Variants in TFE3 observed in about 807,000 individuals in gnomAD.
TFE3 encodes the protein transcription factor binding to IGHM enhancer 3.
Under a neutral mutation model 35.0 loss-of-function variants are expected in TFE3, and 5 were observed. That is an observed-to-expected ratio of 0.14 (90% CI 0.07 to 0.30). The LOEUF (loss-of-function observed/expected upper bound fraction) is 0.30, where lower values mean the gene tolerates loss of function less well. TFE3 is among the 10% of genes least tolerant of loss of function. The pLI is 1.00. For missense variants in TFE3, 374 were observed against 496.6 expected (o/e 0.75, Z 2.35); for synonymous variants, 211 against 215.6 (o/e 0.98, Z 0.18).
rs782694827 is a variant in TFE3, at chrX:49,033,559, AGGAAGAAAGAGT to A, written c.1061-31_1061-20del. 6 of 1,205,376 alleles carry A rather than the reference AGGAAGAAAGAGT, an allele frequency of 5.0e-6. No homozygotes were observed. Among genetic ancestry groups the A allele is most frequent in the Non-Finnish European group, 6.7e-6 (6 of 891,520 alleles). Reference sequence around the variant, plus strand: ...CGCTCAACTTTGGAGAGGGGAGGAGAGGAAGAAAGAGTGGGAGAAAGAGTTGTCAATTAGCCA... The same window carrying A: ...CGCTCAACTTTGGAGAGGGGAGGAGAGGGAGAAAGAGTTGTCAATTAGCCA... On this transcript the variant is annotated intron_variant, in intron 7 of 9. Coordinates refer to ENST00000315869, the MANE Select transcript of TFE3 (RefSeq NM_006521.6).
intron 5 of TFE3, among the ~76,000 whole-genome samples, chrX:49,037,506 C>T (rs782670612): frequency 4.6e-5 from 5 of 109,591 alleles, no homozygotes; most frequent in Non-Finnish European, 7.6e-5. Flanking sequence ...CAAGACCCGC[C>T]TGACCAACGT....
chrX:49,032,723 G>GGAGT (rs1220367943), intron 8 of TFE3, among the ~76,000 whole-genome samples: 9 of 106,349 alleles, frequency 8.5e-5, no homozygotes. Context: ...CACCCAGGCT[G>GGAGT]GAGTGCAGTG....
chrX:49,040,550 C>T lies in TFE3; in HGVS notation c.135G>A (p.Pro45=), dbSNP rs781985132. Reference sequence around the variant, plus strand: ...CTATGTCAGCAACAATCCCGGATTCCGGAAGCAAAGAGTTCAGGCTGAGGG... The same window carrying T: ...CTATGTCAGCAACAATCCCGGATTCTGGAAGCAAAGAGTTCAGGCTGAGGG... The part of the protein sequence containing the change: ...AQLLSLNSLL[P]ESGIVADIEL... The change falls in exon 2 of 10, where the codon CCG becomes CCA. Residue 45 remains proline (P), a synonymous_variant. Coordinates refer to ENST00000315869, the MANE Select transcript of TFE3 (RefSeq NM_006521.6). The T allele has an allele frequency of 8.3e-7, 1 of 1,208,746 alleles. No individual in the cohort carries two copies. The highest frequency in any genetic ancestry group is 1.8e-5 in the South Asian group (1 of 56,844).
chrX:49,038,427 C>T lies in TFE3; in HGVS notation c.550G>A (p.Glu184Lys). The change falls in exon 4 of 10, where the codon GAG becomes AAG. Residue 184 changes from glutamate (E) to lysine (K), a missense_variant. Transcript: ENST00000315869. Reference protein sequence around the residue: ...REVLKVQTHLENPTRYHLQQA... With the variant: ...REVLKVQTHLKNPTRYHLQQA... Reference sequence around the variant, plus strand: ...TGCAGGTGGTAGCGCGTTGGGTTCTCCAGATGGGTCTGCACCTGTGAAATA... The same window carrying T: ...TGCAGGTGGTAGCGCGTTGGGTTCTTCAGATGGGTCTGCACCTGTGAAATA... The T allele has an allele frequency of 8.3e-7, 1 of 1,200,232 alleles. No individual in the cohort carries two copies. Among genetic ancestry groups the T allele is most frequent in the Non-Finnish European group, 1.1e-6 (1 of 893,542 alleles).
In TFE3 at chrX:49,030,149, G is replaced by A. The variant is rs782428510; in HGVS notation, c.*9C>T. The A allele has an allele frequency of 4.0e-5, 48 of 1,202,319 alleles. No homozygotes were observed. The highest frequency in any genetic ancestry group is 1.4e-4 in the Admixed American group (6 of 43,994). On this transcript the variant is annotated 3_prime_UTR_variant, in exon 10 of 10. Coordinates refer to ENST00000315869, the MANE Select transcript of TFE3 (RefSeq NM_006521.6). Reference sequence around the variant, plus strand: ...GGTGGGAAAGTCCCAGGGGAGGGGTGAGGCCTGATCAGGACTCCTCTTCCA... The same window carrying A: ...GGTGGGAAAGTCCCAGGGGAGGGGTAAGGCCTGATCAGGACTCCTCTTCCA...
intron 5 of TFE3, among the ~76,000 whole-genome samples, chrX:49,037,071 A>C (rs1557074908): frequency 2.7e-5 from 3 of 112,034 alleles, no homozygotes; most frequent in Non-Finnish European, 5.6e-5. Context: ...TGGGAGGCCA[A>C]GGCAGGTGGA....
Position 49,033,661 on chromosome X carries a change from G to A in TFE3, c.1060+65C>T, listed in dbSNP as rs1209576329. 9 of 1,188,670 alleles carry A rather than the reference G, an allele frequency of 7.6e-6. No homozygotes were observed. In the Admixed American group the frequency reaches 2.0e-4, roughly 26 times the overall value. On this transcript the variant is annotated intron_variant, in intron 7 of 9. Coordinates refer to ENST00000315869, the MANE Select transcript of TFE3 (RefSeq NM_006521.6). ...TGCAGGGAAGGAGTTCCCCATGGGG[G>A]GCCAGGACTCGGGGTGAGGCAGGCC...
chrX:49,034,711 G>A (rs1465922725), intron 5 of TFE3, among the ~76,000 whole-genome samples: 1 of 111,997 alleles, frequency 8.9e-6, no homozygotes, highest in Non-Finnish European at 1.9e-5. Flanking sequence ...TCCGACCTTG[G>A]TAAATTGTCA....
At chrX:49,034,011 C>G (rs1388195684) in intron 6 of TFE3, 123 bp downstream of exon 6, 5 of 659,526 alleles carry the variant, frequency 7.6e-6, no homozygotes, top group Non-Finnish European at 1.2e-5. Flanking sequence ...AGGGGACAAA[C>G]AGCCTCCATT....
Position 49,043,235 on chromosome X carries a change from G to A in TFE3, c.-9C>T. The A allele has an allele frequency of 1.8e-6, 2 of 1,142,832 alleles. No homozygotes were observed. The highest frequency in any genetic ancestry group is 2.4e-4 in the Middle Eastern group (1 of 4,174). 94.2% of individuals were successfully genotyped at this position (1,142,832 alleles called of 1,213,427 possible). ...TCGGCCGCATGAGACATGACGCCCG[G>A]CCCCGGGCGAGCCCTGCCAGGCCGG... On this transcript the variant is annotated 5_prime_UTR_variant, in exon 1 of 10. Coordinates refer to ENST00000315869, the MANE Select transcript of TFE3 (RefSeq NM_006521.6).
In TFE3 at chrX:49,043,215, C is replaced by T. The variant is rs782729118; in HGVS notation, c.12G>A (p.Ala4=). 4.3e-6 allele frequency: 5 copies of T among 1,168,207 alleles called. No individual in the cohort carries two copies. The African/African-American group carries it at 8.9e-5, about 21-fold the overall frequency. The change falls in exon 1 of 10, where the codon GCG becomes GCA. Residue 4 remains alanine (A), a synonymous_variant. Transcript: ENST00000315869. ...CTACGCCATCCCGAGCTGGTTCGGC[C>T]GCATGAGACATGACGCCCGGCCCCG... is the stretch of plus-strand genomic sequence containing the variant. MSH[A]AEPARDGVEA...
At chrX:49,035,532 G>A (rs1352293982) in intron 5 of TFE3, among the ~76,000 whole-genome samples, 4 of 96,045 alleles carry the variant, frequency 4.2e-5, no homozygotes, top group African/African-American at 1.5e-4. Context: ...TCAGCCTCCC[G>A]AGTAGCTGGG....
intron 8 of TFE3, among the ~76,000 whole-genome samples, chrX:49,032,653 G>A (rs1234172556): frequency 2.7e-5 from 3 of 109,677 alleles, no homozygotes; most frequent in Non-Finnish European, 5.7e-5. Context: ...TTACAGGCGT[G>A]AGCCACTGCA....
chrX:49,030,206 G>A lies in TFE3; in HGVS notation c.1680C>T (p.Ser560=), dbSNP rs782776048. 4.1e-6 allele frequency: 5 copies of A among 1,207,641 alleles called. No homozygotes were observed. The highest frequency in any genetic ancestry group is 5.6e-6 in the Non-Finnish European group (5 of 893,409). Reference sequence around the variant, plus strand: ...AGCTGCTGCGGCGGCTGCTGGCCTTGGAGACAGCAGGGGACACTGAAGAGA... The same window carrying A: ...AGCTGCTGCGGCGGCTGCTGGCCTTAGAGACAGCAGGGGACACTGAAGAGA... ...PLLSSVSPAV[S]KASSRRSSFS... The change falls in exon 10 of 10, where the codon TCC becomes TCT. Residue 560 remains serine (S), a synonymous_variant. Transcript: ENST00000315869.
chrX:49,030,175 T>C lies in TFE3; in HGVS notation c.1711A>G (p.Met571Val). 8.3e-7 allele frequency: 1 copy of C among 1,206,717 alleles called. No homozygotes were observed. ...AGGCCTGATCAGGACTCCTCTTCCA[T>C]GCTGAAGCTGCTGCGGCGGCTGCTG... ...KASSRRSSFSMEEES is the reference protein window; with the variant it reads ...KASSRRSSFSVEEES Residue 571 changes from methionine to valine, a missense_variant, in exon 10 of 10, where the codon ATG (methionine) becomes GTG (valine). Physicochemically the swap from Met to Val is conservative, Grantham distance 21 (BLOSUM62 1). This residue lies in a region of TFE3 where 117 missense variants were observed against 111.9 expected (regional missense o/e 1.05). Coordinates refer to ENST00000315869, the MANE Select transcript of TFE3 (RefSeq NM_006521.6).
At chrX:49,034,297 A>AG (rs2064716369) in intron 5 of TFE3, 46 bp from the exon 6 acceptor site, 217 of 819,542 alleles carry the variant, frequency 2.6e-4, no homozygotes, top group Non-Finnish European at 3.5e-4. Context: ...AACAAACCCC[A>AG]GGCTTGGCTC....
chrX:49,036,164 C>T lies in TFE3; in HGVS notation c.885+1846G>A, dbSNP rs190736521. On this transcript the variant is annotated intron_variant, in intron 5 of 9. Coordinates refer to ENST00000315869, the MANE Select transcript of TFE3 (RefSeq NM_006521.6). ...CCAGCCTGGGTGACAGAGCAAGATC[C>T]TGTCTCAAAAATAAATAAATAGGCC... Among the ~76,000 whole-genome samples, 3 of 107,927 alleles carry T rather than the reference C, an allele frequency of 2.8e-5. No individual in the cohort carries two copies. The Admixed American group carries it at 3.0e-4, about 11-fold the overall frequency. The allele number at this position is 107,927 out of a possible 115,157, so 93.7% of individuals were successfully genotyped here.
At chrX:49,035,850 A>G (rs782222211) in intron 5 of TFE3, among the ~76,000 whole-genome samples, 173 of 111,398 alleles carry the variant, frequency 1.6e-3, no homozygotes, top group Non-Finnish European at 2.2e-3. Context: ...GAAAAAAGCA[A>G]AACTACAGCC....
At chrX:49,034,885 C>T (rs1303858214) in intron 5 of TFE3, among the ~76,000 whole-genome samples, 1 of 112,126 alleles carries the variant, frequency 8.9e-6, no homozygotes, top group Non-Finnish European at 1.9e-5. Flanking sequence ...CCAGTATCTT[C>T]CTGCACATTC....
Sources: allele counts gnomAD v4.1 joint callset (sites outside exome capture counted in the v4.1 genomes callset), GRCh38; gene constraint gnomAD v4.1.1; regional missense constraint gnomAD v4.1.1; transcripts MANE v1.5; gene names NCBI Gene and HGNC (gene_info 2026-07-23, HGNC 2026-07-21).